TMPRSS15: variants seen among roughly 807,000 people sequenced by gnomAD.
TMPRSS15 encodes enteropeptidase.
Under a neutral mutation model 125.3 loss-of-function variants are expected in TMPRSS15, and 128 were observed. The observed-to-expected ratio is 1.02, with a 90% CI of 0.89 to 1.18. TMPRSS15 has a LOEUF of 1.18. TMPRSS15 is among the 50% of genes most tolerant of loss of function. The pLI is 0.00. For synonymous variants in TMPRSS15, 446 were observed against 423.2 expected (o/e 1.05, Z -0.66); for missense variants, 1,283 against 1,212.7 (o/e 1.06, Z -0.86).
At chr21:18,362,989 C>T (rs528157493) in intron 7 of TMPRSS15, among the ~76,000 whole-genome samples, 88 of 152,192 alleles carry the variant, frequency 5.8e-4, no homozygotes, top group Non-Finnish European at 1.2e-3. Flanking sequence ...TAACTGTGGT[C>T]TTAATGTAAT....
In TMPRSS15 at chr21:18,403,689, A is replaced by T. The variant is rs1252091583; in HGVS notation, c.-67T>A. 6 of 1,600,476 alleles carry T rather than the reference A, an allele frequency of 3.7e-6. No individual in the cohort carries two copies. In the Admixed American group the frequency reaches 1.0e-4, roughly 27 times the overall value. On this transcript the variant is annotated 5_prime_UTR_variant, in exon 1 of 25. Transcript: ENST00000284885. The stretch of plus-strand genomic sequence containing the variant: ...ATATAAATAATTCTACCAACTGAAG[A>T]GAAAAATCTCTCAAATTTTTAAAGA...
intron 1 of TMPRSS15, among the ~76,000 whole-genome samples, chr21:18,450,760 T>C (rs1283925123): frequency 1.3e-5 from 2 of 152,210 alleles, no homozygotes; most frequent in Non-Finnish European, 2.9e-5. Context: ...AGGGGTTCAA[T>C]TGCCATGCGT....
chr21:18,391,560 G>T (rs2075990581), intron 3 of TMPRSS15, among the ~76,000 whole-genome samples: 1 of 152,232 alleles, frequency 6.6e-6, no homozygotes, highest in Non-Finnish European at 1.5e-5. Context: ...CTCCACCCTA[G>T]TGGCTTTGAA....
chr21:18,402,566 A>C (rs2076105850), intron 1 of TMPRSS15, among the ~76,000 whole-genome samples: 1 of 151,246 alleles, frequency 6.6e-6, no homozygotes, highest in Non-Finnish European at 1.5e-5. Context: ...ATATGCACAT[A>C]TATATATATA....
chr21:18,319,701 T>A (rs374712343), intron 16 of TMPRSS15, among the ~76,000 whole-genome samples: 7 of 152,214 alleles, frequency 4.6e-5, no homozygotes, highest in Admixed American at 4.6e-4. Flanking sequence ...AGTGCTGGGA[T>A]TACAGGCGTG....
intron 21 of TMPRSS15, among the ~76,000 whole-genome samples, chr21:18,283,147 A>G (rs2074721466): frequency 6.6e-6 from 1 of 152,114 alleles, no homozygotes; most frequent in Non-Finnish European, 1.5e-5. Context: ...ACAGCACCCC[A>G]CTTCCACTGT....
upstream of TMPRSS15, among the ~76,000 whole-genome samples, chr21:18,406,675 T>C (rs2076152711): frequency 6.6e-6 from 1 of 152,186 alleles, no homozygotes; most frequent in South Asian, 2.1e-4. Flanking sequence ...TACTTAGTAG[T>C]GTCATTCATC....
chr21:18,316,479 G>C (rs2075168213), intron 16 of TMPRSS15, among the ~76,000 whole-genome samples: 1 of 151,500 alleles, frequency 6.6e-6, no homozygotes, highest in Non-Finnish European at 1.5e-5. Context: ...ATTAAAGCTT[G>C]GTCAGGCAGG....
At chr21:18,483,326 C>G (rs926989) in intron 1 of TMPRSS15, among the ~76,000 whole-genome samples, 85,814 of 151,530 alleles carry the variant, frequency 0.57, 25,017 homozygotes, top group East Asian at 0.92. Context: ...CAGCAGTTCG[C>G]TTCTCTACAC....
intron 6 of TMPRSS15, among the ~76,000 whole-genome samples, chr21:18,371,455 C>A (rs905772515): frequency 1.3e-5 from 2 of 152,100 alleles, no homozygotes; most frequent in African/African-American, 4.8e-5. Flanking sequence ...TGGAATCCAG[C>A]TATGAAATGA....
chr21:18,288,428 A>G (rs1206501943), intron 21 of TMPRSS15, among the ~76,000 whole-genome samples: 1 of 152,004 alleles, frequency 6.6e-6, no homozygotes, highest in Non-Finnish European at 1.5e-5. Flanking sequence ...CTTCCTCACT[A>G]TGCAATCCAC....
At chr21:18,304,016 T>C (rs1018782520) in intron 18 of TMPRSS15, among the ~76,000 whole-genome samples, 2 of 152,124 alleles carry the variant, frequency 1.3e-5, no homozygotes, top group African/African-American at 4.8e-5. Context: ...GTAATACCCG[T>C]CTGTGGGTGG....
rs1601338491 is a variant in TMPRSS15, at chr21:18,326,626, G to T, written c.1781-54C>A. ...TGAGATGATCCTTTGGATCTAGAAGGAAATGTACCCCACATCTCAGTTCCC... is the reference window on the plus strand; with the variant it reads ...TGAGATGATCCTTTGGATCTAGAAGTAAATGTACCCCACATCTCAGTTCCC... On this transcript the variant is annotated intron_variant, in intron 15 of 24. Coordinates refer to ENST00000284885, the MANE Select transcript of TMPRSS15 (RefSeq NM_002772.3). 3 of 1,609,210 alleles carry T rather than the reference G, an allele frequency of 1.9e-6. No individual in the cohort carries two copies. In the East Asian group the frequency reaches 6.7e-5, roughly 36 times the overall value.
At position 18,364,023 on chromosome 21, in the gene TMPRSS15, A is replaced by G. The variant is rs888885077; in HGVS notation, c.773+1117T>C. Among the ~76,000 whole-genome samples, 6 of 152,232 alleles carry G rather than the reference A, an allele frequency of 3.9e-5. No individual in the cohort carries two copies. The East Asian group carries it at 7.7e-4, about 20-fold the overall frequency. On this transcript the variant is annotated intron_variant, in intron 7 of 24. Coordinates refer to ENST00000284885, the MANE Select transcript of TMPRSS15 (RefSeq NM_002772.3). ...AACAATGCCAAGTAAGTGTGTATAG[A>G]ACAATCTTTTTCTCACATCTCCTCT...
Position 18,383,717 on chromosome 21 carries a change from C to T in TMPRSS15, c.406G>A (p.Val136Ile), listed in dbSNP as rs2075915064. Residue 136 changes from valine to isoleucine, a missense_variant, in exon 4 of 25, where the codon GTA becomes ATA. Coordinates refer to ENST00000284885, the MANE Select transcript of TMPRSS15 (RefSeq NM_002772.3). ...FFAQWVSDEN[V>I]KEELIQGLEA... ...AGGCCTTGAATCAGTTCTTCTTTTA[C>T]ATTTTCATCTGACACCCACTGGGCA... The T allele has an allele frequency of 3.7e-6, 6 of 1,613,796 alleles. No individual in the cohort carries two copies. The highest frequency in any genetic ancestry group is 5.1e-6 in the Non-Finnish European group (6 of 1,179,912).
intron 18 of TMPRSS15, among the ~76,000 whole-genome samples, chr21:18,306,351 G>C (rs1028728011): frequency 8.5e-5 from 13 of 152,124 alleles, no homozygotes; most frequent in Admixed American, 2.0e-4. Context: ...CATTGCGGTG[G>C]TTACATCAGA....
chr21:18,324,381 GTTTTGAA>G (rs2075269118), intron 16 of TMPRSS15, among the ~76,000 whole-genome samples: 1 of 152,106 alleles, frequency 6.6e-6, no homozygotes, highest in Non-Finnish European at 1.5e-5. Context: ...TGCACAAGAG[GTTTTGAA>G]TTGTTGTGCA....
At chr21:18,456,457 G>T (rs1053742866) in intron 1 of TMPRSS15, among the ~76,000 whole-genome samples, 3 of 152,042 alleles carry the variant, frequency 2.0e-5, no homozygotes, top group African/African-American at 7.2e-5. Context: ...TATTTTGCCA[G>T]TTACATTTCT....
At chr21:18,455,060 TAGTG>T (rs745382411) in intron 1 of TMPRSS15, among the ~76,000 whole-genome samples, 15 of 152,218 alleles carry the variant, frequency 9.9e-5, no homozygotes, top group African/African-American at 3.4e-4. Context: ...ATTCTTGTGA[TAGTG>T]AGTGAGTTCA....
Sources: allele counts gnomAD v4.1 joint callset (sites outside exome capture counted in the v4.1 genomes callset), GRCh38; gene constraint gnomAD v4.1.1; transcripts MANE v1.5; gene names NCBI Gene and HGNC (gene_info 2026-07-23, HGNC 2026-07-21).